The following NCR3 variants were observed in gnomAD, a reference collection of about 807,000 sequenced individuals.
NCR3 encodes NK-p30.
In NCR3, 13 loss-of-function variants were observed where a neutral mutation model predicts 16.1. That is an observed-to-expected ratio of 0.81 (90% CI 0.53 to 1.28). NCR3 has a LOEUF of 1.28. Ranked by LOEUF, NCR3 falls within the 50% of genes most tolerant of loss-of-function variation. The probability of loss-of-function intolerance (pLI) is 0.00; values close to 1 mark genes in which losing one functional copy is unlikely to be tolerated. For missense variants in NCR3, 202 were observed against 256.8 expected (o/e 0.79, Z 1.46); for synonymous variants, 98 against 106.6 (o/e 0.92, Z 0.50).
chr6:31,590,057 G>A lies in NCR3; in HGVS notation c.113C>T (p.Pro38Leu). 6.2e-7 allele frequency: 1 copy of A among 1,613,018 alleles called. No homozygotes were observed. The highest frequency in any genetic ancestry group is 8.5e-7 in the Non-Finnish European group (1 of 1,180,024). Reference sequence around the variant, plus strand: ...CCCTTGGCTGGCATTGAAGGAGCAGGGCAGGAAGGCAGAGGATCCTTCCAG... The same window carrying A: ...CCCTTGGCTGGCATTGAAGGAGCAGAGCAGGAAGGCAGAGGATCCTTCCAG... ...RTLEGSSAFL[P>L]CSFNASQGRL... Residue 38 changes from proline to leucine, a missense_variant, in exon 2 of 4, where the codon CCC becomes CTC. By Grantham distance (98) the Pro-to-Leu change is moderately conservative. Transcript: ENST00000340027.
In NCR3 at chr6:31,589,986, G is replaced by C. The variant is rs760288229; in HGVS notation, c.184C>G (p.Pro62Ala). 4.3e-6 allele frequency: 7 copies of C among 1,612,954 alleles called. No homozygotes were observed. In the African/African-American group the frequency reaches 9.3e-5, roughly 22 times the overall value. ...GTTCCATTCCTCACCTCCTTCCCTG[G>C]AACCACCTCATCTCGGAACCACGTG... ...SVTWFRDEVV[P>A]GKEVRNGTPE... The change falls in exon 2 of 4, where the codon CCA becomes GCA. Residue 62 changes from proline (P) to alanine (A), a missense_variant. Transcript: ENST00000340027. This position sits in a 1 kb window ranked among gnomAD's most constrained non-coding sequence, Gnocchi z 4.8.
rs1772503772 is a variant in NCR3 at position 31,590,082 on chromosome 6, G to A, written c.88C>T (p.Leu30=). The change falls in exon 2 of 4, where the codon CTG becomes TTG. Residue 30 remains leucine (L), a synonymous_variant. Coordinates refer to ENST00000340027, the MANE Select transcript of NCR3 (RefSeq NM_147130.3). The part of the protein sequence containing the change: ...WVSQPPEIRT[L]EGSSAFLPCS... ...GGCAGGAAGGCAGAGGATCCTTCCAGGGTACGAATCTCAGGGGGCTGGGAC... is the reference window on the plus strand; with the variant it reads ...GGCAGGAAGGCAGAGGATCCTTCCAAGGTACGAATCTCAGGGGGCTGGGAC... 1.9e-6 allele frequency: 3 copies of A among 1,612,818 alleles called. No homozygotes were observed. The African/African-American group carries it at 4.0e-5, about 22-fold the overall frequency.
In NCR3 at chr6:31,589,756, G is replaced by A. The variant is rs373022570; in HGVS notation, c.388+26C>T. 81 of 1,604,778 alleles carry A rather than the reference G, an allele frequency of 5.0e-5. No homozygotes were observed. The East Asian group carries it at 1.7e-3, about 34-fold the overall frequency. On this transcript the variant is annotated intron_variant, in intron 2 of 3. Coordinates refer to ENST00000340027, the MANE Select transcript of NCR3 (RefSeq NM_147130.3). This position sits in a 1 kb window ranked among gnomAD's most constrained non-coding sequence, Gnocchi z 4.8. ...TGCCTCTTGGGGCCTCCAGCCAGGA[G>A]GAGACACCACCTCCCAGCATCTCAC...
In NCR3 at chr6:31,589,805, C is replaced by T. The variant is rs1432346488; in HGVS notation, c.365G>A (p.Gly122Glu). The T allele has an allele frequency of 1.4e-5, 22 of 1,612,424 alleles. No individual in the cohort carries two copies. Among genetic ancestry groups the T allele is most frequent in the Non-Finnish European group, 1.8e-5 (21 of 1,179,382 alleles). Reference protein sequence around the residue: ...VLGLGVGTGNGTRLVVEKEHP... With the variant: ...VLGLGVGTGNETRLVVEKEHP... ...ACCTTTCTCCACCACCAGCCGAGTC[C>T]CATTCCCTGTCCCGACACCAAGGCC... is the stretch of plus-strand genomic sequence containing the variant. The change falls in exon 2 of 4, where the codon GGG becomes GAG. Residue 122 changes from glycine (G) to glutamate (E), a missense_variant. Gly to Glu is a moderately conservative substitution (Grantham distance 98). Transcript: ENST00000340027. This position sits in a 1 kb window ranked among gnomAD's most constrained non-coding sequence, Gnocchi z 4.8.
chr6:31,592,367 C>T (rs560363751), intron 1 of NCR3, among the ~76,000 whole-genome samples: 68 of 149,808 alleles, frequency 4.5e-4, no homozygotes, highest in Non-Finnish European at 7.2e-4. Context: ...GAGCCAAAAT[C>T]GCACCACGGC....
intron 1 of NCR3, among the ~76,000 whole-genome samples, chr6:31,590,842 T>A (rs1402367873): frequency 6.6e-6 from 1 of 152,080 alleles, no homozygotes; most frequent in Non-Finnish European, 1.5e-5. Flanking sequence ...TTCCTCTTTT[T>A]CTTTTTTCTT....
chr6:31,592,610 T>C, intron 1 of NCR3, 69 bp downstream of exon 1: 1 of 1,571,738 alleles, frequency 6.4e-7, no homozygotes, highest in Non-Finnish European at 8.7e-7. Flanking sequence ...CTATAGCATC[T>C]AGTCCAGCCT....
In NCR3 at chr6:31,589,000, G is replaced by T; in HGVS notation, c.*67C>A. ...GCCAGAAGAGGGTATGTGTGGGCCT[G>T]GCAGGAAAGGGCAGTTGCCAAGGAG... On this transcript the variant is annotated 3_prime_UTR_variant, in exon 4 of 4. Coordinates refer to ENST00000340027, the MANE Select transcript of NCR3 (RefSeq NM_147130.3). The T allele has an allele frequency of 6.8e-7, 1 of 1,475,944 alleles. No homozygotes were observed. Among genetic ancestry groups the T allele is most frequent in the Non-Finnish European group, 9.0e-7 (1 of 1,109,208 alleles). The allele number at this position is 1,475,944 out of a possible 1,614,324, so 91.4% of individuals were successfully genotyped here. A position where few individuals can be genotyped will look rare whatever the true frequency, so the allele number is the denominator to read the frequency against.
In NCR3 at chr6:31,588,934, T is replaced by C; in HGVS notation, c.*133A>G. The C allele has an allele frequency of 9.6e-7, 1 of 1,036,394 alleles. No homozygotes were observed. The highest frequency in any genetic ancestry group is 1.4e-6 in the Non-Finnish European group (1 of 724,264). The allele number at this position is 1,036,394 out of a possible 1,614,324, so 64.2% of individuals were successfully genotyped here. A position where few individuals can be genotyped will look rare whatever the true frequency, so the allele number is the denominator to read the frequency against. On this transcript the variant is annotated 3_prime_UTR_variant, in exon 4 of 4. Coordinates refer to ENST00000340027, the MANE Select transcript of NCR3 (RefSeq NM_147130.3). ...ACTCTGGGGTCAAATAGTAATTTAT[T>C]GGGTGAATGACAGTGTTCAGGGACC... is the stretch of plus-strand genomic sequence containing the variant.
Position 31,588,895 on chromosome 6 carries a change from T to C in NCR3, c.*172A>G. The C allele has an allele frequency of 1.1e-6, 1 of 891,182 alleles. No individual in the cohort carries two copies. The highest frequency in any genetic ancestry group is 1.7e-6 in the Non-Finnish European group (1 of 592,064). 55.2% of individuals were successfully genotyped at this position (891,182 alleles called of 1,614,324 possible). A position where few individuals can be genotyped will look rare whatever the true frequency, so the allele number is the denominator to read the frequency against. Reference sequence around the variant, plus strand: ...AATTAAAATAAAAAAAACACATGGCTCACCCTTCCACCCACTCTGGGGTCA... The same window carrying C: ...AATTAAAATAAAAAAAACACATGGCCCACCCTTCCACCCACTCTGGGGTCA... On this transcript the variant is annotated 3_prime_UTR_variant, in exon 4 of 4. Transcript: ENST00000340027.
In NCR3 at chr6:31,592,789, A is replaced by G; in HGVS notation, c.-68T>C. Reference sequence around the variant, plus strand: ...GGTCTGGGTGGAGGAGGAAGGACTCACTACTTGTAGCCAGGCCTTTGGTCA... The same window carrying G: ...GGTCTGGGTGGAGGAGGAAGGACTCGCTACTTGTAGCCAGGCCTTTGGTCA... On this transcript the variant is annotated 5_prime_UTR_variant, in exon 1 of 4. Coordinates refer to ENST00000340027, the MANE Select transcript of NCR3 (RefSeq NM_147130.3). The G allele has an allele frequency of 6.3e-7, 1 of 1,575,502 alleles. No homozygotes were observed. The highest frequency in any genetic ancestry group is 1.1e-5 in the South Asian group (1 of 89,780).
chr6:31,592,547 A>G, intron 1 of NCR3, 132 bp downstream of exon 1: 1 of 884,886 alleles, frequency 1.1e-6, no homozygotes, highest in Non-Finnish European at 1.8e-6. Flanking sequence ...CCTTTGGAGC[A>G]GTCCCACTCC....
intron 1 of NCR3, among the ~76,000 whole-genome samples, chr6:31,591,195 G>GGT (rs1360865513): frequency 6.6e-6 from 1 of 152,164 alleles, no homozygotes; most frequent in Non-Finnish European, 1.5e-5. Flanking sequence ...TAAATCTCCA[G>GGT]GTGAAGACGT....
Position 31,589,765 on chromosome 6 carries a change from A to C in NCR3, c.388+17T>G, listed in dbSNP as rs1403761716. The C allele has an allele frequency of 1.2e-6, 2 of 1,604,364 alleles. No individual in the cohort carries two copies. The highest frequency in any genetic ancestry group is 2.7e-5 in the African/African-American group (2 of 74,498). Reference sequence around the variant, plus strand: ...GGGCCTCCAGCCAGGAGGAGACACCACCTCCCAGCATCTCACCTTTCTCCA... The same window carrying C: ...GGGCCTCCAGCCAGGAGGAGACACCCCCTCCCAGCATCTCACCTTTCTCCA... On this transcript the variant is annotated intron_variant, in intron 2 of 3. Transcript: ENST00000340027. The surrounding 1 kb of genome is among the most constrained non-coding windows in gnomAD (Gnocchi z 4.8).
In NCR3 at chr6:31,589,861, G is replaced by A; in HGVS notation, c.309C>T (p.Ala103=). 2 of 1,613,242 alleles carry A rather than the reference G, an allele frequency of 1.2e-6. No individual in the cohort carries two copies. The highest frequency in any genetic ancestry group is 1.7e-6 in the Non-Finnish European group (2 of 1,180,036). The change falls in exon 2 of 4, where the codon GCC becomes GCT. Residue 103 remains alanine (A), a synonymous_variant. Coordinates refer to ENST00000340027, the MANE Select transcript of NCR3 (RefSeq NM_147130.3). The surrounding 1 kb of genome is among the most constrained non-coding windows in gnomAD (Gnocchi z 4.8). Reference sequence around the variant, plus strand: ...CCTCCACTCTGCACACGTAGATGCTGGCGTCATGGCCTCGCACGTCCCGGA... The same window carrying A: ...CCTCCACTCTGCACACGTAGATGCTAGCGTCATGGCCTCGCACGTCCCGGA... The part of the protein sequence containing the change: ...LHIRDVRGHD[A]SIYVCRVEVL...
chr6:31,590,780 A>G (rs1279630913), intron 1 of NCR3, among the ~76,000 whole-genome samples: 2 of 152,114 alleles, frequency 1.3e-5, no homozygotes, highest in African/African-American at 4.8e-5. Context: ...ATCACTCATT[A>G]TATTATCCAG....
Position 31,589,574 on chromosome 6 carries a change from T to C in NCR3, c.448A>G (p.Ser150Gly). 1 of 1,613,900 alleles carries C rather than the reference T, an allele frequency of 6.2e-7. No homozygotes were observed. Among genetic ancestry groups the C allele is most frequent in the Admixed American group, 1.7e-5 (1 of 60,010 alleles). ...LLLRAGFYAVSFLSVAVGSTV... is the reference protein window; with the variant it reads ...LLLRAGFYAVGFLSVAVGSTV... The stretch of plus-strand genomic sequence containing the variant: ...CTGCCCACGGCCACAGAGAGAAAGC[T>C]GACAGCATAGAATCCAGCCCGAAGG... The change falls in exon 3 of 4, where the codon AGC becomes GGC. Residue 150 changes from serine (S) to glycine (G), a missense_variant. Ser to Gly is a moderately conservative substitution (Grantham distance 56). Coordinates refer to ENST00000340027, the MANE Select transcript of NCR3 (RefSeq NM_147130.3). This position sits in a 1 kb window ranked among gnomAD's most constrained non-coding sequence, Gnocchi z 4.8.
In NCR3 at chr6:31,588,967, C is replaced by T; in HGVS notation, c.*100G>A. 1.5e-6 allele frequency: 2 copies of T among 1,343,676 alleles called. No homozygotes were observed. The highest frequency in any genetic ancestry group is 2.0e-6 in the Non-Finnish European group (2 of 1,000,562). The allele number at this position is 1,343,676 out of a possible 1,614,324, so 83.2% of individuals were successfully genotyped here. ...TGACAGTGTTCAGGGACCCAAGCTC[C>T]CCTAACAGCCAGAAGAGGGTATGTG... is the stretch of plus-strand genomic sequence containing the variant. On this transcript the variant is annotated 3_prime_UTR_variant, in exon 4 of 4. Coordinates refer to ENST00000340027, the MANE Select transcript of NCR3 (RefSeq NM_147130.3).
intron 1 of NCR3, among the ~76,000 whole-genome samples, chr6:31,591,933 T>C (rs1308223097): frequency 6.6e-6 from 1 of 151,682 alleles, no homozygotes; most frequent in Non-Finnish European, 1.5e-5. Flanking sequence ...CTGGCCAACA[T>C]AGCAAAACCC....
Sources: allele counts gnomAD v4.1 joint callset (sites outside exome capture counted in the v4.1 genomes callset), GRCh38; gene constraint gnomAD v4.1.1; non-coding constraint Gnocchi (gnomAD v3.1); transcripts MANE v1.5; gene names NCBI Gene and HGNC (gene_info 2026-07-23, HGNC 2026-07-21).